Variants in TMEM117 observed in about 807,000 individuals in gnomAD.
TMEM117 encodes the protein transmembrane protein 117.
In TMEM117, 27 loss-of-function variants were observed where a neutral mutation model predicts 52.4. The ratio of observed to expected loss-of-function variants is 0.51; its 90% CI spans 0.38 to 0.71. The LOEUF (loss-of-function observed/expected upper bound fraction) is 0.71, where lower values mean the gene tolerates loss of function less well. TMEM117 is among the 30% of genes least tolerant of loss of function. The pLI, the probability that TMEM117 is intolerant of heterozygous loss-of-function variation, is 0.00. For missense variants in TMEM117, 556 were observed against 630.5 expected, an observed-to-expected ratio of 0.88 and a Z score of 1.26; for synonymous variants, 215 against 206.3, an observed-to-expected ratio of 1.04 and a Z score of -0.36.
intron 3 of TMEM117, among the ~76,000 whole-genome samples, chr12:44,079,506 G>A (rs1947443627): frequency 6.6e-6 from 1 of 152,006 alleles, no homozygotes; most frequent in African/African-American, 2.4e-5. Flanking sequence ...CTGCATAAAT[G>A]TCTTCTTTTG....
intron 6 of TMEM117, among the ~76,000 whole-genome samples, chr12:44,369,393 C>G (rs188739516): frequency 1.3e-5 from 2 of 152,270 alleles, no homozygotes; most frequent in East Asian, 3.9e-4. Context: ...AAGTAACAGA[C>G]TATATACTTA....
At chr12:44,040,611 A>G (rs1592464766) in intron 3 of TMEM117, among the ~76,000 whole-genome samples, 1 of 152,116 alleles carries the variant, frequency 6.6e-6, no homozygotes, top group South Asian at 2.1e-4. Context: ...TTCACTTCCA[A>G]TCCTTATACA....
At chr12:44,151,430 A>G (rs556504516) in intron 4 of TMEM117, among the ~76,000 whole-genome samples, 9 of 150,824 alleles carry the variant, frequency 6.0e-5, no homozygotes, top group African/African-American at 2.0e-4. Context: ...ACATATGTAT[A>G]TATGTGCCAT....
Position 44,094,790 on chromosome 12 carries a change from A to AGT in TMEM117, c.411-48725_411-48724dup, listed in dbSNP as rs1217066635. The stretch of plus-strand genomic sequence containing the variant: ...TAGGGAAATAACTTGCATATGTGTT[A>AGT]GTGTGTGTGTGGGGGAATACTCAAC... On this transcript the variant is annotated intron_variant, in intron 3 of 7. Transcript: ENST00000266534. 8.5e-5 allele frequency among the ~76,000 whole-genome samples: 13 copies of AGT among 152,166 alleles called. No homozygotes were observed. The East Asian group carries it at 2.5e-3, about 29-fold the overall frequency.
At chr12:43,857,285 A>T (rs1210766150) in intron 2 of TMEM117, among the ~76,000 whole-genome samples, 1 of 150,614 alleles carries the variant, frequency 6.6e-6, no homozygotes, top group African/African-American at 2.4e-5. Flanking sequence ...TAATTAAGCA[A>T]TTATGAACCA....
chr12:44,287,614 A>AATATATGCTTATAATGAAAAATGCTT, intron 5 of TMEM117, among the ~76,000 whole-genome samples: 1 of 152,296 alleles, frequency 6.6e-6, no homozygotes, highest in African/African-American at 2.4e-5. Context: ...ATGATTTTAC[A>AATATATGCTTATAATGAAAAATGCTT]ATAGTATGCT....
At chr12:43,946,835 T>A (rs1047906407) in intron 3 of TMEM117, among the ~76,000 whole-genome samples, 2 of 152,200 alleles carry the variant, frequency 1.3e-5, no homozygotes, top group Non-Finnish European at 2.9e-5. Context: ...TAGCCTAGAA[T>A]TTATGTGTAG....
the TMEM117 span, chr12:43,797,950 A>G: frequency 1.8e-6 from 2 of 1,088,796 alleles, no homozygotes; most frequent in Non-Finnish European, 2.6e-6. Context: ...CCTATAATTA[A>G]AATTATTTTT....
intron 4 of TMEM117, among the ~76,000 whole-genome samples, chr12:44,154,788 GA>G (rs1948804036): frequency 6.7e-6 from 1 of 149,322 alleles, no homozygotes; most frequent in Non-Finnish European, 1.5e-5. Context: ...CCCTTGTTTT[GA>G]TTATATGATT....
intron 3 of TMEM117, among the ~76,000 whole-genome samples, chr12:43,966,709 CTATT>C (rs774097592): frequency 1.2e-4 from 18 of 152,094 alleles, no homozygotes; most frequent in East Asian, 9.6e-4. Flanking sequence ...ATCAGGCTGA[CTATT>C]TAAGAATGAG....
intron 3 of TMEM117, among the ~76,000 whole-genome samples, chr12:44,137,803 C>A (rs759771799): frequency 6.6e-6 from 1 of 152,112 alleles, no homozygotes; most frequent in African/African-American, 2.4e-5. Context: ...TCCCACAACA[C>A]GTGGGAATTG....
intron 2 of TMEM117, among the ~76,000 whole-genome samples, chr12:43,890,753 A>G (rs1056221942): frequency 2.0e-5 from 3 of 151,958 alleles, no homozygotes; most frequent in Middle Eastern, 3.4e-3. Flanking sequence ...GCTGGTCTTG[A>G]ACTCCTGACC....
intron 6 of TMEM117, among the ~76,000 whole-genome samples, chr12:44,332,690 A>T (rs1951287007): frequency 6.6e-6 from 1 of 150,824 alleles, no homozygotes. Flanking sequence ...TTATAAAAAC[A>T]AATTAAACAA....
intron 3 of TMEM117, among the ~76,000 whole-genome samples, chr12:44,077,927 A>C (rs1471661272): frequency 3.3e-5 from 5 of 152,096 alleles, no homozygotes; most frequent in Non-Finnish European, 7.4e-5. Context: ...TCCAATACCA[A>C]AATATGTTGT....
At chr12:44,372,509 CT>C (rs1951878119) in intron 6 of TMEM117, among the ~76,000 whole-genome samples, 1 of 151,666 alleles carries the variant, frequency 6.6e-6, no homozygotes, top group South Asian at 2.1e-4. Flanking sequence ...CCAACTATCC[CT>C]GGGGCAGTTG....
intron 5 of TMEM117, among the ~76,000 whole-genome samples, chr12:44,246,747 A>G (rs1469860304): frequency 6.6e-6 from 1 of 152,202 alleles, no homozygotes; most frequent in Non-Finnish European, 1.5e-5. Flanking sequence ...TAATGCCTGG[A>G]ACCTCTCCAA....
intron 3 of TMEM117, among the ~76,000 whole-genome samples, chr12:44,018,693 C>T (rs1946408399): frequency 6.6e-6 from 1 of 151,420 alleles, no homozygotes; most frequent in African/African-American, 2.4e-5. Context: ...ATTAACTCTA[C>T]TGTTTTTATT....
chr12:44,231,834 A>G (rs1360771241), intron 5 of TMEM117, among the ~76,000 whole-genome samples: 1 of 151,724 alleles, frequency 6.6e-6, no homozygotes, highest in Non-Finnish European at 1.5e-5. Context: ...CTGCATGCTA[A>G]TTCCTTGTCA....
chr12:44,324,421 G>A (rs1170652208), intron 6 of TMEM117, among the ~76,000 whole-genome samples: 4 of 151,956 alleles, frequency 2.6e-5, no homozygotes, highest in South Asian at 2.1e-4. Flanking sequence ...CTGTATTAAC[G>A]GAAGTGTCCA....
Sources: gnomAD v4.1 joint callset for allele counts (sites outside exome capture counted in the v4.1 genomes callset) on GRCh38, gnomAD v4.1.1 for gene constraint, MANE v1.5 for transcripts, NCBI Gene and HGNC (gene_info 2026-07-23, HGNC 2026-07-21) for gene names.